Variants in RCCD1 observed in about 807,000 individuals in gnomAD.
RCCD1 encodes the protein RCC1 domain containing 1, also known as RCC1 domain-containing protein 1.
Under a neutral mutation model 37.6 loss-of-function variants are expected in RCCD1, and 40 were observed. The observed-to-expected ratio is 1.06, with a 90% CI of 0.83 to 1.39. The LOEUF (loss-of-function observed/expected upper bound fraction) is 1.39, where lower values mean the gene tolerates loss of function less well. RCCD1 is among the 40% of genes most tolerant of loss of function. The pLI is 0.00. For synonymous variants in RCCD1, 263 were observed against 230.0 expected (o/e 1.14, Z -1.30); for missense variants, 577 against 517.3 (o/e 1.12, Z -1.12).
Position 90,962,625 on chromosome 15 carries a change from C to T in RCCD1, c.*856C>T, listed in dbSNP as rs1446600981. 1 of 152,238 alleles carries T rather than the reference C, an allele frequency of 6.6e-6. No homozygotes were observed. Among genetic ancestry groups the T allele is most frequent in the Non-Finnish European group, 1.5e-5 (1 of 68,070 alleles). The allele number at this position is 152,238 out of a possible 1,614,324, so 9.4% of individuals were successfully genotyped here. A position where few individuals can be genotyped will look rare whatever the true frequency, so the allele number is the denominator to read the frequency against. On this transcript the variant is annotated 3_prime_UTR_variant, in exon 8 of 8. Coordinates refer to ENST00000394258, the MANE Select transcript of RCCD1 (RefSeq NM_001017919.2). ...TGTTTTGGATGGCTGGGCATGGTGG[C>T]TCACACCTGTAGTCCCAGCACTTTG... is the stretch of plus-strand genomic sequence containing the variant.
chr15:90,957,734 C>CT lies in RCCD1; in HGVS notation c.679+11dup, dbSNP rs2037232514. ...TTCTGTGTGTGTGAGTGGTGAGTGACTTAGTGCTTCTCCAGACGAGCTCAT... is the reference window on the plus strand; with the variant it reads ...TTCTGTGTGTGTGAGTGGTGAGTGACTTTAGTGCTTCTCCAGACGAGCTCAT... On this transcript the variant is annotated intron_variant, in intron 4 of 7. Coordinates refer to ENST00000394258, the MANE Select transcript of RCCD1 (RefSeq NM_001017919.2). 3.1e-6 allele frequency: 5 copies of CT among 1,593,170 alleles called. No individual in the cohort carries two copies. The highest frequency in any genetic ancestry group is 4.3e-6 in the Non-Finnish European group (5 of 1,168,394).
chr15:90,961,846 G>C lies in RCCD1; in HGVS notation c.*77G>C, dbSNP rs745626489. Reference sequence around the variant, plus strand: ...AGGAAAACCATTGCCTGCACCCCAAGGGCCCCATATTTGCCCCTCCCCATC... The same window carrying C: ...AGGAAAACCATTGCCTGCACCCCAACGGCCCCATATTTGCCCCTCCCCATC... On this transcript the variant is annotated 3_prime_UTR_variant, in exon 8 of 8. Coordinates refer to ENST00000394258, the MANE Select transcript of RCCD1 (RefSeq NM_001017919.2). 1.4e-6 allele frequency: 2 copies of C among 1,478,962 alleles called. No homozygotes were observed. Among genetic ancestry groups the C allele is most frequent in the Non-Finnish European group, 1.8e-6 (2 of 1,086,786 alleles). The allele number at this position is 1,478,962 out of a possible 1,614,324, so 91.6% of individuals were successfully genotyped here.
At position 90,962,980 on chromosome 15, in the gene RCCD1, T is replaced by C. The variant is rs2037343904; in HGVS notation, c.*1211T>C. ...TAAAATAAGCTTATCAGTAGTTTTC[T>C]TTATAGTTAAATTCTATTTGTGCAT... On this transcript the variant is annotated 3_prime_UTR_variant, in exon 8 of 8. Coordinates refer to ENST00000394258, the MANE Select transcript of RCCD1 (RefSeq NM_001017919.2). The C allele has an allele frequency of 6.6e-6, 1 of 152,252 alleles. No individual in the cohort carries two copies. Among genetic ancestry groups the C allele is most frequent in the Non-Finnish European group, 1.5e-5 (1 of 68,048 alleles). 9.4% of individuals were successfully genotyped at this position (152,252 alleles called of 1,614,324 possible).
chr15:90,960,457 T>G lies in RCCD1; in HGVS notation c.908T>G (p.Val303Gly), dbSNP rs1488749879. Residue 303 changes from valine (V) to glycine (G), a missense_variant, in exon 6 of 8, where the codon GTC becomes GGC. Val to Gly is a moderately radical substitution (Grantham distance 109, BLOSUM62 -3). Coordinates refer to ENST00000394258, the MANE Select transcript of RCCD1 (RefSeq NM_001017919.2). Reference sequence around the variant, plus strand: ...GATCTCCCCATGGGCTCAGATGCAGTCAAGGCCAGCTGTGGATCCCGGCAC... The same window carrying G: ...GATCTCCCCATGGGCTCAGATGCAGGCAAGGCCAGCTGTGGATCCCGGCAC... ...LLDLPMGSDAVKASCGSRHTA... is the reference protein window; with the variant it reads ...LLDLPMGSDAGKASCGSRHTA... 3.1e-6 allele frequency: 5 copies of G among 1,612,650 alleles called. No individual in the cohort carries two copies. The highest frequency in any genetic ancestry group is 1.1e-5 in the South Asian group (1 of 91,080).
chr15:90,958,655 G>C (rs1406498392), intron 4 of RCCD1, among the ~76,000 whole-genome samples: 1 of 137,908 alleles, frequency 7.3e-6, no homozygotes, highest in South Asian at 2.3e-4. Flanking sequence ...AAAAAGAAAA[G>C]CTACCAGTGC....
chr15:90,961,128 A>C lies in RCCD1; in HGVS notation c.979+74A>C, dbSNP rs1468486806. On this transcript the variant is annotated intron_variant, in intron 7 of 7. Transcript: ENST00000394258. ...ACCTGGGAGTACAGGGCAGGTGACA[A>C]AGCCAACAAGACTGGAGGAAGCAGG... 13 of 1,436,532 alleles carry C rather than the reference A, an allele frequency of 9.0e-6. No homozygotes were observed. The South Asian group carries it at 1.3e-4, about 15-fold the overall frequency. The allele number at this position is 1,436,532 out of a possible 1,614,324, so 89.0% of individuals were successfully genotyped here.
In RCCD1 at chr15:90,961,778, C is replaced by T. The variant is rs754224097; in HGVS notation, c.*9C>T. On this transcript the variant is annotated 3_prime_UTR_variant, in exon 8 of 8. Transcript: ENST00000394258. The stretch of plus-strand genomic sequence containing the variant: ...AGAAAGGGAAGAGCTGACATGTGTA[C>T]GTATATGTATATGCAACACCTGTGA... 28 of 1,611,356 alleles carry T rather than the reference C, an allele frequency of 1.7e-5. No homozygotes were observed. Among genetic ancestry groups the T allele is most frequent in the Middle Eastern group, 1.7e-4 (1 of 6,020 alleles).
chr15:90,956,814 G>T lies in RCCD1; in HGVS notation c.80G>T (p.Arg27Leu), dbSNP rs376371312. The T allele has an allele frequency of 2.3e-6, 3 of 1,307,052 alleles. No homozygotes were observed. Among genetic ancestry groups the T allele is most frequent in the Non-Finnish European group, 2.9e-6 (3 of 1,027,990 alleles). The allele number at this position is 1,307,052 out of a possible 1,614,324, so 81.0% of individuals were successfully genotyped here. A position where few individuals can be genotyped will look rare whatever the true frequency, so the allele number is the denominator to read the frequency against. ...FGQELGSGRGRQVHSPSPLRA... is the reference protein window; with the variant it reads ...FGQELGSGRGLQVHSPSPLRA... ...CAGGAGCTGGGCTCCGGACGCGGGC[G>T]CCAGGTGCACAGCCCCAGTCCGCTG... The change falls in exon 2 of 8, where the codon CGC becomes CTC. Residue 27 changes from arginine to leucine, a missense_variant. Physicochemically the swap from Arg to Leu is moderately radical, Grantham distance 102 (BLOSUM62 -2). Coordinates refer to ENST00000394258, the MANE Select transcript of RCCD1 (RefSeq NM_001017919.2).
Position 90,961,821 on chromosome 15 carries a change from A to G in RCCD1, c.*52A>G. 1.3e-6 allele frequency: 2 copies of G among 1,567,400 alleles called. No individual in the cohort carries two copies. The highest frequency in any genetic ancestry group is 2.3e-5 in the South Asian group (2 of 85,370). On this transcript the variant is annotated 3_prime_UTR_variant, in exon 8 of 8. Coordinates refer to ENST00000394258, the MANE Select transcript of RCCD1 (RefSeq NM_001017919.2). ...ACCTGTGAGACCCCCATTCAGGTCA[A>G]GGAAAACCATTGCCTGCACCCCAAG...
chr15:90,955,538 C>T (rs1280794316), intron 1 of RCCD1: 2 of 152,156 alleles, frequency 1.3e-5, no homozygotes, highest in Non-Finnish European at 2.9e-5. Context: ...CAGGATCTGA[C>T]TTAAGAGGCC....
At position 90,957,721 on chromosome 15, in the gene RCCD1, G is replaced by A. The variant is rs1375264598; in HGVS notation, c.675G>A (p.Val225=). The change falls in exon 4 of 8, where the codon GTG becomes GTA. Residue 225 remains valine (V), a synonymous_variant. Coordinates refer to ENST00000394258, the MANE Select transcript of RCCD1 (RefSeq NM_001017919.2). ...VAAGGWHSVC[V]SETGDIYIWG... ...CGGGGGGCTGGCATTCTGTGTGTGT[G>A]AGTGGTGAGTGACTTAGTGCTTCTC... The A allele has an allele frequency of 6.2e-7, 1 of 1,605,810 alleles. No individual in the cohort carries two copies. Among genetic ancestry groups the A allele is most frequent in the Non-Finnish European group, 8.5e-7 (1 of 1,175,504 alleles).
At position 90,958,115 on chromosome 15, in the gene RCCD1, T is replaced by G. The variant is rs188025967; in HGVS notation, c.679+390T>G. ...ATGATGTGTGGCACAGGGTGGACAC[T>G]GGGGTGCCCACCAGGCACCAGGATG... On this transcript the variant is annotated intron_variant, in intron 4 of 7. Transcript: ENST00000394258. Among the ~76,000 whole-genome samples the G allele has an allele frequency of 5.1e-4, 77 of 152,296 alleles. 1 individual carries two copies. The highest frequency in any genetic ancestry group is 3.2e-3 in the Admixed American group (49 of 15,292).
rs1200655489 is a variant in RCCD1 at position 90,957,718 on chromosome 15, TGTGAGTG to T, written c.679+1_679+7del. 6.2e-7 allele frequency: 1 copy of T among 1,607,358 alleles called. No homozygotes were observed. Among genetic ancestry groups the T allele is most frequent in the African/African-American group, 1.3e-5 (1 of 74,694 alleles). On this transcript the variant is annotated frameshift_variant and splice_region_variant, in exon 4 of 8. Transcript: ENST00000394258. LOFTEE classifies it high-confidence loss of function. ...CCGCGGGGGGCTGGCATTCTGTGTG[TGTGAGTG>T]GTGAGTGACTTAGTGCTTCTCCAGA...
At chr15:90,961,268 C>T (rs959974165) in intron 7 of RCCD1, 6 of 600,912 alleles carry the variant, frequency 1.0e-5, no homozygotes, top group South Asian at 4.0e-5. Context: ...ATATCGGTAC[C>T]ACCCGCCTAC....
chr15:90,960,221 A>G, intron 5 of RCCD1, 107 bp from the exon 6 acceptor site: 1 of 1,200,294 alleles, frequency 8.3e-7, no homozygotes, highest in Non-Finnish European at 1.2e-6. Context: ...CCAGCTTTGG[A>G]GCTAGGCAGT....
Position 90,961,156 on chromosome 15 carries a change from C to T in RCCD1, c.979+102C>T, listed in dbSNP as rs777505827. 404 of 1,183,570 alleles carry T rather than the reference C, an allele frequency of 3.4e-4. 1 individual carries two copies. Among genetic ancestry groups the T allele is most frequent in the Middle Eastern group, 5.5e-4 (2 of 3,630 alleles). The allele number at this position is 1,183,570 out of a possible 1,614,324, so 73.3% of individuals were successfully genotyped here. A position where few individuals can be genotyped will look rare whatever the true frequency, so the allele number is the denominator to read the frequency against. Reference sequence around the variant, plus strand: ...CCAACAAGACTGGAGGAAGCAGGGGCCTCGGCCAGGTCACTGGGAGGAACA... The same window carrying T: ...CCAACAAGACTGGAGGAAGCAGGGGTCTCGGCCAGGTCACTGGGAGGAACA... On this transcript the variant is annotated intron_variant, in intron 7 of 7. Coordinates refer to ENST00000394258, the MANE Select transcript of RCCD1 (RefSeq NM_001017919.2).
Position 90,957,446 on chromosome 15 carries a change from C to T in RCCD1, c.500C>T (p.Ala167Val), listed in dbSNP as rs1489956505. 3.9e-6 allele frequency: 6 copies of T among 1,539,118 alleles called. No individual in the cohort carries two copies. The Admixed American group carries it at 1.2e-4, about 30-fold the overall frequency. Reference protein sequence around the residue: ...ELRARQLELGAEHALLLDAAG... With the variant: ...ELRARQLELGVEHALLLDAAG... ...CGGGCACGCCAGCTGGAGCTGGGCG[C>T]CGAGCACGCGTTGCTGCTGGACGCT... is the stretch of plus-strand genomic sequence containing the variant. Residue 167 changes from alanine (A) to valine (V), a missense_variant, in exon 3 of 8, where the codon GCC (alanine) becomes GTC (valine). Coordinates refer to ENST00000394258, the MANE Select transcript of RCCD1 (RefSeq NM_001017919.2).
chr15:90,958,791 G>C (rs2037255330), intron 4 of RCCD1, among the ~76,000 whole-genome samples: 1 of 151,680 alleles, frequency 6.6e-6, no homozygotes, highest in African/African-American at 2.4e-5. Flanking sequence ...AATGAGCTGG[G>C]CGTGGCGGCT....
rs912361570 is a variant in RCCD1, at chr15:90,957,794, T to G, written c.679+69T>G. 25 of 1,536,212 alleles carry G rather than the reference T, an allele frequency of 1.6e-5. 1 individual carries two copies. In the South Asian group the frequency reaches 2.9e-4, roughly 18 times the overall value. On this transcript the variant is annotated intron_variant, in intron 4 of 7. Transcript: ENST00000394258. ...CAAACCTTCCTCCTCGTTTTCCAGTTTGGGTGGGGGCCTACCCAGGCCTCC... is the reference window on the plus strand; with the variant it reads ...CAAACCTTCCTCCTCGTTTTCCAGTGTGGGTGGGGGCCTACCCAGGCCTCC...
Sources: gnomAD v4.1 joint callset for allele counts (sites outside exome capture counted in the v4.1 genomes callset) on GRCh38, gnomAD v4.1.1 for gene constraint, MANE v1.5 for transcripts, NCBI Gene and HGNC (gene_info 2026-07-23, HGNC 2026-07-21) for gene names.